The following DCST2 variants were observed in gnomAD, a reference collection of about 807,000 sequenced individuals.
DCST2 encodes DC-STAMP domain containing 2.
DCST2 carries 64 observed loss-of-function variants against 81.8 expected under a neutral mutation model. The observed-to-expected ratio is 0.78, with a 90% confidence interval of 0.64 to 0.96. The LOEUF (loss-of-function observed/expected upper bound fraction) is 0.96, where lower values mean the gene tolerates loss of function less well. DCST2 is among the 40% of genes least tolerant of loss of function. The pLI, the probability that DCST2 is intolerant of heterozygous loss-of-function variation, is 0.00. For synonymous variants in DCST2, 354 were observed against 402.6 expected (o/e 0.88, Z 1.44); for missense variants, 945 against 1,001.4 (o/e 0.94, Z 0.76).
Position 155,030,106 on chromosome 1 carries a change from C to T in DCST2, c.1155G>A (p.Glu385=), listed in dbSNP as rs777759074. 2.5e-6 allele frequency: 4 copies of T among 1,613,852 alleles called. No homozygotes were observed. In the Admixed American group the frequency reaches 6.7e-5, roughly 27 times the overall value. The change falls in exon 7 of 15, where the codon GAG becomes GAA. Residue 385 remains glutamate, a synonymous_variant. Transcript: ENST00000368424. ...LPTVLPLSAH[E]ARRYIPPGSI... is the part of the protein sequence containing the mutation. ...CACCCGGTGGGATGTAGCGCCTGGC[C>T]TCGTGAGCACTGAGCGGTAGCACTG...
chr1:155,030,241 T>C lies in DCST2; in HGVS notation c.1020A>G (p.Gln340=). The change falls in exon 7 of 15, where the codon CAA becomes CAG. Residue 340 remains glutamine (Q), a splice_region_variant and synonymous_variant. Coordinates refer to ENST00000368424, the MANE Select transcript of DCST2 (RefSeq NM_144622.3). ...GGTAACAATACCGGTAAAATAGGGC[T>C]CTGGGAAGGGGAGGTGGAGCACATG... ...TPLLLVLLYL[Q]ALFYRYCYLN... 1 of 1,614,010 alleles carries C rather than the reference T, an allele frequency of 6.2e-7. No individual in the cohort carries two copies. Among genetic ancestry groups the C allele is most frequent in the South Asian group, 1.1e-5 (1 of 91,080 alleles).
intron 3 of DCST2, 102 bp from the exon 4 acceptor site, chr1:155,031,873 T>C: frequency 8.0e-7 from 1 of 1,249,404 alleles, no homozygotes; most frequent in Non-Finnish European, 1.1e-6. Flanking sequence ...GAGAGGCCTG[T>C]GGTCAGGGAC....
intron 10 of DCST2, 108 bp downstream of exon 10, chr1:155,026,194 G>A (rs972411695): frequency 2.1e-5 from 21 of 981,486 alleles, no homozygotes; most frequent in African/African-American, 6.5e-5. Flanking sequence ...AGAGGAGAGC[G>A]GGCTGGGGCT....
chr1:155,029,153 G>C (rs145583491), intron 8 of DCST2, 80 bp downstream of exon 8: 12 of 1,524,884 alleles, frequency 7.9e-6, no homozygotes, highest in African/African-American at 1.4e-5. Flanking sequence ...GAGAAGGCTT[G>C]GGAGCAGGCG....
At position 155,026,425 on chromosome 1, in the gene DCST2, C is replaced by A; in HGVS notation, c.1511-23G>T. 1.9e-6 allele frequency: 3 copies of A among 1,613,562 alleles called. No homozygotes were observed. The South Asian group carries it at 3.3e-5, about 18-fold the overall frequency. On this transcript the variant is annotated intron_variant, in intron 9 of 14. Coordinates refer to ENST00000368424, the MANE Select transcript of DCST2 (RefSeq NM_144622.3). ...CGCCTGGGAGCACAGCAGCCACAGT[C>A]AGCCTCACCAGCAGGCACAAGTGCC... is the stretch of plus-strand genomic sequence containing the variant.
At position 155,031,573 on chromosome 1, in the gene DCST2, C is replaced by T. The variant is rs201711453; in HGVS notation, c.739+1G>A. ...CCGCTGGCAGACCCTGGTTTTCTCA[C>T]GGCTGGCAAGTCCACAGAGCGCCAG... is the stretch of plus-strand genomic sequence containing the variant. On this transcript the variant is annotated splice_donor_variant, in intron 4 of 14. Transcript: ENST00000368424. LOFTEE classifies it high-confidence loss of function. 178 of 1,394,792 alleles carry T rather than the reference C, an allele frequency of 1.3e-4. No individual in the cohort carries two copies. The highest frequency in any genetic ancestry group is 1.6e-4 in the Non-Finnish European group (163 of 1,040,710). The allele number at this position is 1,394,792 out of a possible 1,614,324, so 86.4% of individuals were successfully genotyped here.
intron 8 of DCST2, among the ~76,000 whole-genome samples, chr1:155,027,998 C>T (rs1447975997): frequency 2.0e-5 from 3 of 151,966 alleles, no homozygotes; most frequent in Non-Finnish European, 4.4e-5. Context: ...GATCTCGGCT[C>T]ACTGCAACCT....
chr1:155,023,425 C>A lies in DCST2; in HGVS notation c.1903G>T (p.Asp635Tyr). 6.2e-7 allele frequency: 1 copy of A among 1,604,474 alleles called. No homozygotes were observed. The highest frequency in any genetic ancestry group is 8.5e-7 in the Non-Finnish European group (1 of 1,175,328). The change falls in exon 13 of 15, where the codon GAC becomes TAC. Residue 635 changes from aspartate to tyrosine, a missense_variant. Asp to Tyr is a radical substitution (Grantham distance 160). Transcript: ENST00000368424. ...LYCLTCFRLLDNTCSVCASPL... is the reference protein window; with the variant it reads ...LYCLTCFRLLYNTCSVCASPL... ...GATGCACACACGGAGCAGGTATTGTCCAGGAGGCGGAAGCAAGTGAGGCAG... is the reference window on the plus strand; with the variant it reads ...GATGCACACACGGAGCAGGTATTGTACAGGAGGCGGAAGCAAGTGAGGCAG...
At chr1:155,031,296 C>A in intron 4 of DCST2, 62 bp from the exon 5 acceptor site, 1 of 1,488,548 alleles carries the variant, frequency 6.7e-7, no homozygotes, top group Non-Finnish European at 9.0e-7. Flanking sequence ...CCCCCGACCT[C>A]TGGAGACCTC....
In DCST2 at chr1:155,024,071, T is replaced by G. The variant is rs1374628355; in HGVS notation, c.1743-112A>C. The G allele has an allele frequency of 2.1e-6, 3 of 1,414,496 alleles. No individual in the cohort carries two copies. In the East Asian group the frequency reaches 7.4e-5, roughly 35 times the overall value. The allele number at this position is 1,414,496 out of a possible 1,614,324, so 87.6% of individuals were successfully genotyped here. On this transcript the variant is annotated intron_variant, in intron 11 of 14. Transcript: ENST00000368424. Reference sequence around the variant, plus strand: ...GGACTTCCTGACTTCCTGCAGTACATCCTCCATCCCTCTGATTTCAGCAGC... The same window carrying G: ...GGACTTCCTGACTTCCTGCAGTACAGCCTCCATCCCTCTGATTTCAGCAGC...
intron 2 of DCST2, 24 bp from the exon 3 acceptor site, chr1:155,032,792 C>T (rs1030352443): frequency 2.6e-5 from 41 of 1,599,488 alleles, no homozygotes; most frequent in Non-Finnish European, 3.3e-5. Flanking sequence ...GACAGAGGCA[C>T]TTTGGAGTCT....
chr1:155,023,754 G>A lies in DCST2; in HGVS notation c.1870+78C>T, dbSNP rs1404621009. 1.9e-6 allele frequency: 3 copies of A among 1,601,518 alleles called. No individual in the cohort carries two copies. The East Asian group carries it at 6.7e-5, about 36-fold the overall frequency. ...ATGAGGTACAAGAGAAGTCCATCAA[G>A]GAAGGACCACAGTGGATTGTCATAT... On this transcript the variant is annotated intron_variant, in intron 12 of 14. Coordinates refer to ENST00000368424, the MANE Select transcript of DCST2 (RefSeq NM_144622.3).
At chr1:155,030,026 G>C in intron 7 of DCST2, 58 bp downstream of exon 7, 1 of 1,604,408 alleles carries the variant, frequency 6.2e-7, no homozygotes, top group Admixed American at 1.7e-5. Flanking sequence ...AGGGCAGCGG[G>C]GTGGGGGGAA....
chr1:155,019,786 CG>C (rs1195106584), intron 14 of DCST2, among the ~76,000 whole-genome samples: 2 of 152,230 alleles, frequency 1.3e-5, no homozygotes, highest in African/African-American at 4.8e-5. Flanking sequence ...CATAACTGAG[CG>C]CACTGGAGCA....
intron 7 of DCST2, 55 bp downstream of exon 7, chr1:155,030,029 G>T (rs116757455): frequency 0.02 from 31,834 of 1,603,308 alleles, 397 homozygotes; most frequent in Non-Finnish European, 0.024. Context: ...GCAGCGGGGT[G>T]GGGGGAAGCC....
intron 14 of DCST2, among the ~76,000 whole-genome samples, chr1:155,021,918 G>A (rs1320824829): frequency 6.6e-6 from 1 of 151,244 alleles, no homozygotes. Flanking sequence ...CTGGGCTGGA[G>A]TGCAGTGGTG....
At chr1:155,020,791 T>G (rs1381827963) in intron 14 of DCST2, among the ~76,000 whole-genome samples, 1 of 151,934 alleles carries the variant, frequency 6.6e-6, no homozygotes, top group Non-Finnish European at 1.5e-5. Context: ...CTGTCACCTG[T>G]CTTCACATGA....
At chr1:155,024,786 C>T (rs754885563) in intron 10 of DCST2, among the ~76,000 whole-genome samples, 184 bp from the exon 11 acceptor site, 7 of 152,238 alleles carry the variant, frequency 4.6e-5, no homozygotes, top group Non-Finnish European at 8.8e-5. Flanking sequence ...ACCACTCTCT[C>T]CTCTGGGTTT....
At position 155,023,507 on chromosome 1, in the gene DCST2, C is replaced by T. The variant is rs779463289; in HGVS notation, c.1871-50G>A. On this transcript the variant is annotated intron_variant, in intron 12 of 14. Coordinates refer to ENST00000368424, the MANE Select transcript of DCST2 (RefSeq NM_144622.3). ...GGTGAACCCGAGTTCACCCACCCAC[C>T]CTCTGTGCTTCCTGGTTGCCAGCCC... 5 of 1,552,938 alleles carry T rather than the reference C, an allele frequency of 3.2e-6. No individual in the cohort carries two copies. In the East Asian group the frequency reaches 7.3e-5, roughly 23 times the overall value.
Sources: gnomAD v4.1 joint callset for allele counts (sites outside exome capture counted in the v4.1 genomes callset) on GRCh38, gnomAD v4.1.1 for gene constraint, MANE v1.5 for transcripts, NCBI Gene and HGNC (gene_info 2026-07-23, HGNC 2026-07-21) for gene names.